Variants in GRIN3A observed in about 807,000 individuals in gnomAD.
GRIN3A encodes the protein glutamate ionotropic receptor NMDA type subunit 3A, also known as glutamate receptor ionotropic, NMDA 3A.
In GRIN3A, 47 loss-of-function variants were observed where a neutral mutation model predicts 92.4. The observed-to-expected ratio is 0.51, with a 90% CI of 0.40 to 0.65. GRIN3A has a LOEUF of 0.65. GRIN3A is among the 30% of genes least tolerant of loss of function. The probability of loss-of-function intolerance (pLI) is 0.00; values close to 1 mark genes in which losing one functional copy is unlikely to be tolerated. For synonymous variants in GRIN3A, 527 were observed against 540.6 expected, an observed-to-expected ratio of 0.97 and a Z score of 0.35; for missense variants, 1,324 against 1,393.1, an observed-to-expected ratio of 0.95 and a Z score of 0.79.
chr9:101,627,909 G>C (rs1241635153), intron 4 of GRIN3A, among the ~76,000 whole-genome samples: 8 of 152,076 alleles, frequency 5.3e-5, no homozygotes, highest in Admixed American at 3.3e-4. Flanking sequence ...TTTATCCTCT[G>C]GCCATATTCC....
At chr9:101,660,878 C>T (rs117385985) in intron 3 of GRIN3A, among the ~76,000 whole-genome samples, 3,959 of 151,864 alleles carry the variant, frequency 0.026, 67 homozygotes, top group Non-Finnish European at 0.041. Context: ...TACTCTTATT[C>T]CAATGATGCT....
At chr9:101,710,877 G>T (rs1218266131) in intron 1 of GRIN3A, among the ~76,000 whole-genome samples, 1 of 152,140 alleles carries the variant, frequency 6.6e-6, no homozygotes, top group South Asian at 2.1e-4. Context: ...TTGGAAAATT[G>T]CAGTCTCCAC....
intron 4 of GRIN3A, among the ~76,000 whole-genome samples, chr9:101,623,817 C>T (rs1828591432): frequency 6.6e-6 from 1 of 152,240 alleles, no homozygotes; most frequent in African/African-American, 2.4e-5. Flanking sequence ...CCTTTTATCA[C>T]TCAGAATGAC....
intron 1 of GRIN3A, among the ~76,000 whole-genome samples, chr9:101,712,104 G>A (rs1176593809): frequency 2.6e-5 from 4 of 152,090 alleles, no homozygotes; most frequent in African/African-American, 2.4e-5. Flanking sequence ...CTCAATGAAT[G>A]GCAACTGCTT....
Position 101,738,292 on chromosome 9 carries a change from G to T in GRIN3A, c.-313C>A, listed in dbSNP as rs1051879567. ...CGCCCGTTCCCTGCCCGCCCCATCT[G>T]CAGGGCGCCTCGGGCACTGCGTCCG... is the stretch of plus-strand genomic sequence containing the variant. On this transcript the variant is annotated 5_prime_UTR_variant, in exon 1 of 9. Coordinates refer to ENST00000361820, the MANE Select transcript of GRIN3A (RefSeq NM_133445.3). The T allele has an allele frequency of 1.5e-5, 6 of 409,662 alleles. No individual in the cohort carries two copies. Among genetic ancestry groups the T allele is most frequent in the African/African-American group, 1.3e-4 (6 of 46,402 alleles). 25.4% of individuals were successfully genotyped at this position (409,662 alleles called of 1,614,324 possible). A position where few individuals can be genotyped will look rare whatever the true frequency, so the allele number is the denominator to read the frequency against.
intron 2 of GRIN3A, among the ~76,000 whole-genome samples, chr9:101,673,269 T>C (rs13285879): frequency 0.33 from 50,825 of 151,950 alleles, 9,419 homozygotes; most frequent in Non-Finnish European, 0.41. Context: ...TACACAACTC[T>C]GTCATTCCAG....
intron 3 of GRIN3A, among the ~76,000 whole-genome samples, chr9:101,632,536 G>C (rs1828729246): frequency 6.6e-6 from 1 of 152,084 alleles, no homozygotes; most frequent in Non-Finnish European, 1.5e-5. Context: ...TCTTAGGTTA[G>C]ATACATTAAA....
intron 1 of GRIN3A, among the ~76,000 whole-genome samples, chr9:101,724,407 G>A (rs1255847474): frequency 2.0e-5 from 3 of 152,132 alleles, no homozygotes; most frequent in Admixed American, 6.6e-5. Flanking sequence ...CCGCTGCTCC[G>A]AGTGCGGGGC....
At chr9:101,715,994 A>T (rs1588295446) in intron 1 of GRIN3A, among the ~76,000 whole-genome samples, 1 of 152,240 alleles carries the variant, frequency 6.6e-6, no homozygotes, top group South Asian at 2.1e-4. Context: ...AAATGAAAGC[A>T]ATCTTTCTAG....
intron 1 of GRIN3A, among the ~76,000 whole-genome samples, chr9:101,688,978 G>A (rs1205536102): frequency 2.6e-5 from 4 of 152,130 alleles, no homozygotes; most frequent in Non-Finnish European, 4.4e-5. Context: ...GGTAGCTCTG[G>A]GTGTCCAGGC....
At chr9:101,628,511 C>A (rs747045482) in intron 3 of GRIN3A, 110 bp from the exon 4 acceptor site, 127 of 1,015,464 alleles carry the variant, frequency 1.3e-4, no homozygotes, top group Middle Eastern at 2.2e-4. Context: ...ACTTTTCTAA[C>A]CCCCACAGGC....
At chr9:101,714,499 G>A (rs144944417) in intron 1 of GRIN3A, among the ~76,000 whole-genome samples, 26 of 152,262 alleles carry the variant, frequency 1.7e-4, no homozygotes, top group African/African-American at 6.3e-4. Context: ...GGCTGTGTGT[G>A]TCAGTTAGAA....
At chr9:101,653,322 T>C (rs1434197646) in intron 3 of GRIN3A, among the ~76,000 whole-genome samples, 1 of 123,078 alleles carries the variant, frequency 8.1e-6, no homozygotes, top group Non-Finnish European at 1.8e-5. Context: ...AGCACAGAGC[T>C]TTTCAGAGAA....
At chr9:101,707,849 T>C (rs1257552269) in intron 1 of GRIN3A, among the ~76,000 whole-genome samples, 1 of 152,180 alleles carries the variant, frequency 6.6e-6, no homozygotes, top group Non-Finnish European at 1.5e-5. Flanking sequence ...TTGCTACAAT[T>C]CTTCAAGCTT....
intron 1 of GRIN3A, among the ~76,000 whole-genome samples, chr9:101,727,416 AT>A (rs527877464): frequency 6.6e-6 from 1 of 152,154 alleles, no homozygotes; most frequent in African/African-American, 2.4e-5. Flanking sequence ...AAGAGCATAG[AT>A]TTTTTTATAA....
At chr9:101,656,729 A>G (rs938384635) in intron 3 of GRIN3A, among the ~76,000 whole-genome samples, 3 of 151,892 alleles carry the variant, frequency 2.0e-5, no homozygotes, top group Admixed American at 6.6e-5. Context: ...AAGGATCCAG[A>G]TATAGCATCT....
At chr9:101,712,984 G>T (rs927155627) in intron 1 of GRIN3A, among the ~76,000 whole-genome samples, 8 of 152,194 alleles carry the variant, frequency 5.3e-5, no homozygotes, top group Admixed American at 2.0e-4. Context: ...GAGCTTAGGT[G>T]ACTTAATCAT....
intron 1 of GRIN3A, among the ~76,000 whole-genome samples, chr9:101,730,741 T>G (rs1433902346): frequency 6.6e-6 from 1 of 152,130 alleles, no homozygotes; most frequent in Non-Finnish European, 1.5e-5. Context: ...CTTTGATACA[T>G]TTAAACATAC....
chr9:101,612,469 A>C (rs1410296713), intron 6 of GRIN3A, among the ~76,000 whole-genome samples: 2 of 152,208 alleles, frequency 1.3e-5, no homozygotes, highest in African/African-American at 2.4e-5. Flanking sequence ...ATTCAAGTGG[A>C]GATGTCAAAT....
Sources: allele counts gnomAD v4.1 joint callset (sites outside exome capture counted in the v4.1 genomes callset), GRCh38; gene constraint gnomAD v4.1.1; transcripts MANE v1.5; gene names NCBI Gene and HGNC (gene_info 2026-07-23, HGNC 2026-07-21).